RIMBP2: variants seen among roughly 807,000 people sequenced by gnomAD.
RIMBP2 encodes the protein RIMS-binding protein 2.
Under a neutral mutation model 118.6 loss-of-function variants are expected in RIMBP2, and 48 were observed. The observed-to-expected ratio is 0.40, with a 90% confidence interval of 0.32 to 0.51. RIMBP2 has a LOEUF of 0.51. RIMBP2 is among the 20% of genes least tolerant of loss of function. RIMBP2 has a pLI of 0.41. For missense variants in RIMBP2, 1,551 were observed against 1,768.3 expected, an observed-to-expected ratio of 0.88 and a Z score of 2.20; for synonymous variants, 762 against 742.9, an observed-to-expected ratio of 1.03 and a Z score of -0.42.
intron 2 of RIMBP2, among the ~76,000 whole-genome samples, chr12:130,605,345 C>G (rs996585413): frequency 6.6e-6 from 1 of 152,104 alleles, no homozygotes; most frequent in Non-Finnish European, 1.5e-5. Flanking sequence ...GTCAATCACG[C>G]GGGGAAACCG....
At chr12:130,606,324 CT>C (rs747522072) in intron 2 of RIMBP2, among the ~76,000 whole-genome samples, 1 of 152,234 alleles carries the variant, frequency 6.6e-6, no homozygotes, top group Admixed American at 6.5e-5. Context: ...GGATTACCCC[CT>C]CTCACTATTA....
At chr12:130,554,130 G>C (rs2139771142) in intron 2 of RIMBP2, among the ~76,000 whole-genome samples, 1 of 152,308 alleles carries the variant, frequency 6.6e-6, no homozygotes, top group Non-Finnish European at 1.5e-5. Context: ...GAAAGCATAT[G>C]TAATAGCAAA....
rs74679456 is a variant in RIMBP2 at position 130,578,976 on chromosome 12, C to A, written c.-217+49346G>T. ...TAAAAAAAGATGAGAAGTTGTCTCA[C>A]ATCCATTGGTTCAGATTTCAAGGAC... On this transcript the variant is annotated intron_variant, in intron 2 of 22. Transcript: ENST00000690449. This position sits in a 1 kb window ranked among gnomAD's most constrained non-coding sequence, Gnocchi z 4.1. Among the ~76,000 whole-genome samples the A allele has an allele frequency of 0.012, 1,803 of 152,296 alleles. 32 individuals are homozygous for A. The highest frequency in any genetic ancestry group is 0.04 in the African/African-American group (1,676 of 41,548).
intron 2 of RIMBP2, among the ~76,000 whole-genome samples, chr12:130,544,625 A>T (rs1593736098): frequency 1.1e-5 from 1 of 94,032 alleles, no homozygotes; most frequent in Non-Finnish European, 1.9e-5. Context: ...TTTGAGATGG[A>T]GTCTCACTCC....
chr12:130,518,242 T>C (rs910338674), intron 2 of RIMBP2, among the ~76,000 whole-genome samples: 26 of 152,192 alleles, frequency 1.7e-4, no homozygotes, highest in African/African-American at 6.3e-4. Context: ...ACCCATCCTT[T>C]TTCCCGTGAA....
At position 130,526,589 on chromosome 12, in the gene RIMBP2, T is replaced by C. The variant is rs915523639; in HGVS notation, c.-216-8672A>G. On this transcript the variant is annotated intron_variant, in intron 2 of 22. Coordinates refer to ENST00000690449, the MANE Select transcript of RIMBP2 (RefSeq NM_001393629.1). ...TATTGGTGTCTTAAAGTTGTTTCTCTTTGATCTGCTCATTCATTTTGGCCT... is the reference window on the plus strand; with the variant it reads ...TATTGGTGTCTTAAAGTTGTTTCTCCTTGATCTGCTCATTCATTTTGGCCT... 3.4e-4 allele frequency among the ~76,000 whole-genome samples: 52 copies of C among 152,206 alleles called. 1 individual carries two copies. Among genetic ancestry groups the C allele is most frequent in the Non-Finnish European group, 6.8e-4 (46 of 68,042 alleles).
chr12:130,640,676 G>A (rs899698508), intron 1 of RIMBP2, among the ~76,000 whole-genome samples: 2 of 152,178 alleles, frequency 1.3e-5, no homozygotes, highest in Non-Finnish European at 2.9e-5. Context: ...GAGGGCTTCA[G>A]GCACCTCCTG....
In RIMBP2 at chr12:130,436,932, G is replaced by A; in HGVS notation, c.2016C>T (p.Ile672=). ...CCGGGGTGCCCTGTGGCTGTGGCAG[G>A]ATGCGGCTGGGTGAGGGCGACCGCC... The part of the protein sequence containing the change: ...PGRRSPSPSR[I]LPQPQGTPVS... Residue 672 remains isoleucine, a synonymous_variant, in exon 13 of 23, where the codon ATC becomes ATT. Transcript: ENST00000690449. The A allele has an allele frequency of 1.9e-6, 3 of 1,603,586 alleles. No individual in the cohort carries two copies. Among genetic ancestry groups the A allele is most frequent in the Non-Finnish European group, 1.7e-6 (2 of 1,176,490 alleles).
At chr12:130,667,512 G>A (rs909208684) in intron 1 of RIMBP2, 1 of 152,306 alleles carries the variant, frequency 6.6e-6, no homozygotes, top group Admixed American at 6.5e-5. Flanking sequence ...AGAGCAATGT[G>A]GGGCAGGCGC....
intron 3 of RIMBP2, among the ~76,000 whole-genome samples, chr12:130,507,814 C>T (rs1243536073): frequency 6.6e-6 from 1 of 152,184 alleles, no homozygotes; most frequent in Non-Finnish European, 1.5e-5. Flanking sequence ...ATTATGGCTT[C>T]AATAACAGAC....
At chr12:130,488,143 T>C (rs568688687) in intron 4 of RIMBP2, among the ~76,000 whole-genome samples, 6 of 152,232 alleles carry the variant, frequency 3.9e-5, no homozygotes, top group African/African-American at 9.6e-5. Context: ...CTAGAGAAGA[T>C]TGGATCCTCA....
intron 2 of RIMBP2, among the ~76,000 whole-genome samples, chr12:130,533,258 G>C (rs1393094643): frequency 6.6e-6 from 1 of 152,162 alleles, no homozygotes; most frequent in Non-Finnish European, 1.5e-5. Context: ...TTAGAAAAGT[G>C]GGGAGTGTCA....
chr12:130,644,697 C>T (rs534308449), intron 1 of RIMBP2, among the ~76,000 whole-genome samples: 16 of 152,292 alleles, frequency 1.1e-4, no homozygotes, highest in East Asian at 9.6e-4. Context: ...TAGCGAGTGA[C>T]GTCGGAAAAG....
Position 130,578,076 on chromosome 12 carries a change from G to T in RIMBP2, c.-217+50246C>A, listed in dbSNP as rs1180801119. Among the ~76,000 whole-genome samples, 1 of 152,168 alleles carries T rather than the reference G, an allele frequency of 6.6e-6. No individual in the cohort carries two copies. Among genetic ancestry groups the T allele is most frequent in the Non-Finnish European group, 1.5e-5 (1 of 68,036 alleles). On this transcript the variant is annotated intron_variant, in intron 2 of 22. Coordinates refer to ENST00000690449, the MANE Select transcript of RIMBP2 (RefSeq NM_001393629.1). The surrounding 1 kb of genome is among the most constrained non-coding windows in gnomAD (Gnocchi z 4.1). Reference sequence around the variant, plus strand: ...TTCTCTGAAAGGCAGATGTGAACTGGATGGTTTCACATTAAGCCATTATCA... The same window carrying T: ...TTCTCTGAAAGGCAGATGTGAACTGTATGGTTTCACATTAAGCCATTATCA...
chr12:130,713,013 G>A (rs929424751), intron 1 of RIMBP2, among the ~76,000 whole-genome samples: 1 of 151,622 alleles, frequency 6.6e-6, no homozygotes, highest in Admixed American at 6.6e-5. Context: ...ACACAAGCAG[G>A]GGTGAGTCAG....
intron 2 of RIMBP2, among the ~76,000 whole-genome samples, chr12:130,588,701 G>A (rs1017044280): frequency 3.3e-5 from 5 of 152,190 alleles, no homozygotes; most frequent in African/African-American, 7.2e-5. Context: ...GGACATCTCC[G>A]CAGAGCATAT....
At chr12:130,482,115 T>C (rs2082066932) in intron 4 of RIMBP2, among the ~76,000 whole-genome samples, 1 of 152,184 alleles carries the variant, frequency 6.6e-6, no homozygotes, top group South Asian at 2.1e-4. Flanking sequence ...CTCCAAACCC[T>C]GGCTGCCACC....
At position 130,703,061 on chromosome 12, in the gene RIMBP2, T is replaced by C. The variant is rs971109827; in HGVS notation, c.-352+13161A>G. Among the ~76,000 whole-genome samples, 1 of 152,142 alleles carries C rather than the reference T, an allele frequency of 6.6e-6. No individual in the cohort carries two copies. The highest frequency in any genetic ancestry group is 1.5e-5 in the Non-Finnish European group (1 of 68,014). ...CTACTCAGATGCCCGGAGAAGTTCA[T>C]TAGAACAGGATTTTCCTGTAATGCC... On this transcript the variant is annotated intron_variant, in intron 1 of 22. Transcript: ENST00000690449. This position sits in a 1 kb window ranked among gnomAD's most constrained non-coding sequence, Gnocchi z 5.7.
intron 6 of RIMBP2, among the ~76,000 whole-genome samples, chr12:130,458,634 C>T (rs887419488): frequency 6.6e-6 from 1 of 152,210 alleles, no homozygotes; most frequent in African/African-American, 2.4e-5. Flanking sequence ...ACTCGCGGAG[C>T]CTTCCCAGGG....
Sources: gnomAD v4.1 joint callset for allele counts (sites outside exome capture counted in the v4.1 genomes callset) on GRCh38, gnomAD v4.1.1 for gene constraint, Gnocchi (gnomAD v3.1) non-coding constraint, MANE v1.5 for transcripts, NCBI Gene and HGNC (gene_info 2026-07-23, HGNC 2026-07-21) for gene names.